The following TRHDE variants were observed in gnomAD, a reference collection of about 807,000 sequenced individuals.
TRHDE encodes thyrotropin releasing hormone degrading enzyme.
In TRHDE, 72 loss-of-function variants were observed where a neutral mutation model predicts 125.7. The observed-to-expected ratio is 0.57, with a 90% CI of 0.47 to 0.70. The LOEUF is 0.70. Among genes scored for constraint, TRHDE ranks in the 30% least tolerant of loss-of-function variants. The pLI is 0.00. For synonymous variants in TRHDE, 509 were observed against 509.1 expected, an observed-to-expected ratio of 1.00 and a Z score of 0.00; for missense variants, 1,110 against 1,327.1, an observed-to-expected ratio of 0.84 and a Z score of 2.54.
At chr12:72,478,093 C>T (rs1038742519) in intron 5 of TRHDE, among the ~76,000 whole-genome samples, 11 of 152,158 alleles carry the variant, frequency 7.2e-5, no homozygotes, top group African/African-American at 2.7e-4. Context: ...ATTAATGCAA[C>T]TGAAGTTCAG....
intron 7 of TRHDE, among the ~76,000 whole-genome samples, chr12:72,559,032 G>A (rs1870052007): frequency 6.6e-6 from 1 of 152,118 alleles, no homozygotes; most frequent in South Asian, 2.1e-4. Context: ...TACCTCTAAT[G>A]TGTTGTGTGG....
At chr12:72,380,459 G>T (rs186253696) in intron 3 of TRHDE, among the ~76,000 whole-genome samples, 1 of 152,206 alleles carries the variant, frequency 6.6e-6, no homozygotes, top group Non-Finnish European at 1.5e-5. Flanking sequence ...ATCATGGAAG[G>T]CTTCATTAGG....
chr12:72,508,584 C>T (rs910310551), intron 6 of TRHDE, among the ~76,000 whole-genome samples: 19 of 152,114 alleles, frequency 1.2e-4, no homozygotes, highest in Non-Finnish European at 2.4e-4. Flanking sequence ...AAGTAACTAA[C>T]TTGTTTGGAT....
chr12:72,198,762 G>GT (rs996289835), intron 2 of TRHDE, among the ~76,000 whole-genome samples: 2 of 152,156 alleles, frequency 1.3e-5, no homozygotes, highest in Non-Finnish European at 2.9e-5. Context: ...CAAGGTGAGT[G>GT]TATTAGTCTA....
chr12:72,507,859 G>A (rs183983550), intron 6 of TRHDE, among the ~76,000 whole-genome samples: 39 of 152,338 alleles, frequency 2.6e-4, no homozygotes, highest in Admixed American at 1.8e-3. Context: ...CATGCCCATA[G>A]CCCTGCTGCT....
At chr12:72,250,286 G>A (rs966968787) in intron 2 of TRHDE, among the ~76,000 whole-genome samples, 6 of 152,288 alleles carry the variant, frequency 3.9e-5, no homozygotes, top group Middle Eastern at 3.4e-3. Flanking sequence ...TTATTGCATA[G>A]TATAGGTAAT....
At chr12:72,603,912 A>C (rs191036557) in intron 12 of TRHDE, among the ~76,000 whole-genome samples, 36 of 152,268 alleles carry the variant, frequency 2.4e-4, no homozygotes, top group African/African-American at 8.7e-4. Context: ...AAAGTAGAAA[A>C]TTCAGGCAGA....
chr12:72,190,218 T>C (rs760601450), intron 2 of TRHDE, among the ~76,000 whole-genome samples: 7 of 152,172 alleles, frequency 4.6e-5, no homozygotes, highest in Non-Finnish European at 8.8e-5. Context: ...ATTTCCAAAA[T>C]ACCTACTCCT....
chr12:72,144,764 G>A (rs1160353917), intron 2 of TRHDE, among the ~76,000 whole-genome samples: 1 of 152,168 alleles, frequency 6.6e-6, no homozygotes, highest in Non-Finnish European at 1.5e-5. Flanking sequence ...AGGAACAATA[G>A]CCCACTTCTC....
At position 72,273,070 on chromosome 12, in the gene TRHDE, C is replaced by T; in HGVS notation, c.427C>T (p.Arg143Cys). The change falls in exon 1 of 19, where the codon CGC becomes TGC. Residue 143 changes from arginine to cysteine, a missense_variant. Arg to Cys is a radical substitution (Grantham distance 180). Transcript: ENST00000261180. The surrounding 1 kb of genome is among the most constrained non-coding windows in gnomAD (Gnocchi z 5.3). ...CGGGAGCCTCCCTGGATCGGCCCGG[C>T]GCAACCACCACGCAGGCGGGGACTC... ...GNGSLPGSAR[R>C]NHHAGGDSWQ... The T allele has an allele frequency of 1.3e-6, 2 of 1,526,124 alleles. No homozygotes were observed. Among genetic ancestry groups the T allele is most frequent in the Non-Finnish European group, 1.8e-6 (2 of 1,139,338 alleles). The allele number at this position is 1,526,124 out of a possible 1,614,324, so 94.5% of individuals were successfully genotyped here.
upstream of TRHDE, among the ~76,000 whole-genome samples, chr12:72,271,183 TC>T (rs141883674): frequency 3.9e-3 from 593 of 152,324 alleles, 1 homozygote; most frequent in Non-Finnish European, 6.7e-3. Flanking sequence ...GGCCTTTACT[TC>T]CGGAGGATTT....
At chr12:72,300,921 G>T (rs1165903548) in intron 2 of TRHDE, among the ~76,000 whole-genome samples, 1 of 152,018 alleles carries the variant, frequency 6.6e-6, no homozygotes, top group Non-Finnish European at 1.5e-5. Context: ...TGGTGCATTA[G>T]CCCTGTGCGG....
intron 7 of TRHDE, among the ~76,000 whole-genome samples, chr12:72,560,028 T>C (rs1405495339): frequency 6.6e-6 from 1 of 152,240 alleles, no homozygotes; most frequent in African/African-American, 2.4e-5. Context: ...TGACTGATTA[T>C]TGAAACGCAC....
At position 72,305,075 on chromosome 12, in the gene TRHDE, A is replaced by G. The variant is rs575794465; in HGVS notation, c.1188+18121A>G. ...ACTTTTTCTATTAGAATACTCCACTAGTAAAAAAGACACAGAAAAATTTCA... is the reference window on the plus strand; with the variant it reads ...ACTTTTTCTATTAGAATACTCCACTGGTAAAAAAGACACAGAAAAATTTCA... On this transcript the variant is annotated intron_variant, in intron 2 of 18. Transcript: ENST00000261180. Among the ~76,000 whole-genome samples the G allele has an allele frequency of 1.8e-4, 28 of 152,314 alleles. No individual in the cohort carries two copies. The South Asian group carries it at 5.8e-3, about 32-fold the overall frequency.
chr12:72,640,920 C>G (rs1874031395), intron 15 of TRHDE, among the ~76,000 whole-genome samples: 1 of 152,176 alleles, frequency 6.6e-6, no homozygotes, highest in Admixed American at 6.5e-5. Context: ...CTTAGAGAGG[C>G]TAGTGGTTTG....
At chr12:72,539,494 T>C (rs554219143) in intron 6 of TRHDE, among the ~76,000 whole-genome samples, 2 of 152,006 alleles carry the variant, frequency 1.3e-5, no homozygotes, top group South Asian at 2.1e-4. Flanking sequence ...GTTATCCATG[T>C]CTTACATTAA....
At chr12:72,517,169 A>G (rs1211906560) in intron 6 of TRHDE, among the ~76,000 whole-genome samples, 6 of 151,556 alleles carry the variant, frequency 4.0e-5, no homozygotes, top group Admixed American at 1.3e-4. Context: ...AAAATGAGTT[A>G]GGGAGGATTC....
At chr12:72,590,988 G>T (rs952796495) in intron 12 of TRHDE, among the ~76,000 whole-genome samples, 1 of 152,172 alleles carries the variant, frequency 6.6e-6, no homozygotes, top group African/African-American at 2.4e-5. Flanking sequence ...AGAAAAAGGG[G>T]TTTAATCAAC....
intron 10 of TRHDE, among the ~76,000 whole-genome samples, chr12:72,572,978 G>A (rs1337162357): frequency 6.6e-6 from 1 of 151,772 alleles, no homozygotes; most frequent in Non-Finnish European, 1.5e-5. Flanking sequence ...ATTAAACTTG[G>A]TGCTTTAACA....
Sources: allele counts gnomAD v4.1 joint callset (sites outside exome capture counted in the v4.1 genomes callset), GRCh38; gene constraint gnomAD v4.1.1; non-coding constraint Gnocchi (gnomAD v3.1); transcripts MANE v1.5; gene names NCBI Gene and HGNC (gene_info 2026-07-23, HGNC 2026-07-21).